Variants in CALU observed in about 807,000 individuals in gnomAD.
CALU encodes IEF SSP 9302.
A neutral mutation model predicts 37.5 loss-of-function variants in CALU; 13 were observed. The ratio of observed to expected loss-of-function variants is 0.35; its 90% confidence interval spans 0.23 to 0.55. The LOEUF is 0.55. Ranked by LOEUF, CALU falls within the 20% of genes least tolerant of loss-of-function variation. The probability of loss-of-function intolerance (pLI) is 0.89; values close to 1 mark genes in which losing one functional copy is unlikely to be tolerated. For synonymous variants in CALU, 114 were observed against 133.8 expected, an observed-to-expected ratio of 0.85 and a Z score of 1.02; for missense variants, 282 against 391.7, an observed-to-expected ratio of 0.72 and a Z score of 2.36.
chr7:128,749,477 CT>C (rs986771965), intron 2 of CALU, among the ~76,000 whole-genome samples: 11 of 152,206 alleles, frequency 7.2e-5, no homozygotes, highest in African/African-American at 2.6e-4. Flanking sequence ...CTGAGAATGT[CT>C]TTTTTGGTCC....
At chr7:128,754,735 A>T in intron 3 of CALU, 1 of 1,533,726 alleles carries the variant, frequency 6.5e-7, no homozygotes. Flanking sequence ...AAGGGGCAAG[A>T]TGTCAGCCTG....
At position 128,769,212 on chromosome 7, in the gene CALU, A is replaced by G; in HGVS notation, c.*45A>G. 1 of 1,015,380 alleles carries G rather than the reference A, an allele frequency of 9.8e-7. No homozygotes were observed. The allele number at this position is 1,015,380 out of a possible 1,614,324, so 62.9% of individuals were successfully genotyped here. The stretch of plus-strand genomic sequence containing the variant: ...TTCCTCAAAAGTAATTTATTTTTAC[A>G]GCTTCTGGTTTCACATGAAATTGTT... On this transcript the variant is annotated 3_prime_UTR_variant, in exon 7 of 7. Transcript: ENST00000249364.
rs374287355 is a variant in CALU, at chr7:128,772,600, T to C, written c.*3433T>C. On this transcript the variant is annotated 3_prime_UTR_variant, in exon 7 of 7. Transcript: ENST00000249364. ...AAACTTCTGTTTTCTGGGAGCTGCA[T>C]GTGTCGGATTCATCTGTCATGGCCT... is the stretch of plus-strand genomic sequence containing the variant. 1.5e-5 allele frequency: 24 copies of C among 1,614,090 alleles called. No homozygotes were observed. Among genetic ancestry groups the C allele is most frequent in the Non-Finnish European group, 2.0e-5 (24 of 1,180,032 alleles).
chr7:128,740,630 A>G (rs1236740701), intron 1 of CALU, among the ~76,000 whole-genome samples: 3 of 119,588 alleles, frequency 2.5e-5, no homozygotes, highest in Non-Finnish European at 3.2e-5. Context: ...GCCAAGACCT[A>G]ATCTGAGGTT....
At chr7:128,745,625 T>C (rs888383226) in intron 1 of CALU, among the ~76,000 whole-genome samples, 2 of 152,092 alleles carry the variant, frequency 1.3e-5, no homozygotes, top group African/African-American at 2.4e-5. Context: ...TGTTTATAGT[T>C]TGAGATAGAA....
At chr7:128,742,130 A>G (rs1800264367) in intron 1 of CALU, among the ~76,000 whole-genome samples, 1 of 152,214 alleles carries the variant, frequency 6.6e-6, no homozygotes, top group Non-Finnish European at 1.5e-5. Context: ...CTTTTATCAA[A>G]TCATGAAGGA....
At chr7:128,768,985 A>C (rs1801451068) in intron 6 of CALU, 78 bp from the exon 7 acceptor site, 1 of 802,860 alleles carries the variant, frequency 1.2e-6, no homozygotes, top group Non-Finnish European at 2.1e-6. Flanking sequence ...GATTAACCCC[A>C]ATTCTTCTAT....
intron 3 of CALU, among the ~76,000 whole-genome samples, chr7:128,755,676 A>G (rs187288320): frequency 6.6e-6 from 1 of 152,292 alleles, no homozygotes; most frequent in East Asian, 1.9e-4. Context: ...ATTTTCTTTT[A>G]CTTGTAACAC....
At chr7:128,739,833 C>G (rs576273578) in intron 1 of CALU, among the ~76,000 whole-genome samples, 4 of 152,244 alleles carry the variant, frequency 2.6e-5, no homozygotes, top group Admixed American at 2.0e-4. Flanking sequence ...TCCTTGCCGC[C>G]TCCACTCACC....
At chr7:128,746,762 CTTTTTTTTTTT>C (rs71162530) in intron 1 of CALU, among the ~76,000 whole-genome samples, 66,924 of 123,992 alleles carry the variant, frequency 0.54, 17,312 homozygotes, top group East Asian at 0.82. Flanking sequence ...TCATGTCATT[CTTTTTTTTTTT>C]TTTTTTTTTT....
Position 128,767,445 on chromosome 7 carries a change from T to A in CALU, c.644-11T>A. ...CAAACCCTTCTTTTGTATGTATGTCTGTGTACCCAGGTGACATGTACAGCC... is the reference window on the plus strand; with the variant it reads ...CAAACCCTTCTTTTGTATGTATGTCAGTGTACCCAGGTGACATGTACAGCC... On this transcript the variant is annotated splice_polypyrimidine_tract_variant and intron_variant, in intron 5 of 6. Transcript: ENST00000249364. The A allele has an allele frequency of 1.2e-6, 2 of 1,601,756 alleles. No individual in the cohort carries two copies. The highest frequency in any genetic ancestry group is 1.7e-6 in the Non-Finnish European group (2 of 1,168,636).
intron 5 of CALU, among the ~76,000 whole-genome samples, chr7:128,763,379 AT>A (rs1306386332): frequency 3.9e-5 from 6 of 151,996 alleles, no homozygotes; most frequent in African/African-American, 1.4e-4. Flanking sequence ...AAATATAAAA[AT>A]TAGCCAGGTG....
At position 128,767,505 on chromosome 7, in the gene CALU, G is replaced by T; in HGVS notation, c.693G>T (p.Lys231Asn). The T allele has an allele frequency of 1.2e-6, 2 of 1,614,178 alleles. No homozygotes were observed. The highest frequency in any genetic ancestry group is 1.7e-6 in the Non-Finnish European group (2 of 1,180,006). Residue 231 changes from lysine (K) to asparagine (N), a missense_variant, in exon 6 of 7, where the codon AAG (lysine) becomes AAT (asparagine). By Grantham distance (94) the Lys-to-Asn change is moderately conservative. Coordinates refer to ENST00000249364, the MANE Select transcript of CALU (RefSeq NM_001219.5). ...ATACTGATGAGCCAGAATGGGTAAA[G>T]ACAGAGCGAGAGCAGTTTGTTGAGT... is the stretch of plus-strand genomic sequence containing the variant. ...DGNTDEPEWV[K>N]TEREQFVEFR... is the part of the protein sequence containing the mutation.
At chr7:128,751,584 A>G (rs1800677197) in intron 2 of CALU, among the ~76,000 whole-genome samples, 1 of 150,200 alleles carries the variant, frequency 6.7e-6, no homozygotes, top group Non-Finnish European at 1.5e-5. Flanking sequence ...AAAATCAGCT[A>G]GGCATGGTGG....
chr7:128,758,479 A>G (rs770331534), intron 3 of CALU, among the ~76,000 whole-genome samples: 2 of 152,250 alleles, frequency 1.3e-5, no homozygotes, highest in East Asian at 1.9e-4. Context: ...GCTCCATTTT[A>G]CAGATAAAAG....
chr7:128,763,438 G>C (rs2128882361), intron 5 of CALU, among the ~76,000 whole-genome samples: 1 of 152,224 alleles, frequency 6.6e-6, no homozygotes, highest in Non-Finnish European at 1.5e-5. Flanking sequence ...GGCTGAGGCA[G>C]GAGAATCGCT....
intron 1 of CALU, among the ~76,000 whole-genome samples, chr7:128,740,792 A>G (rs1263263639): frequency 6.6e-6 from 1 of 152,202 alleles, no homozygotes; most frequent in African/African-American, 2.4e-5. Flanking sequence ...TCTCAATGTA[A>G]TCATTGTTTG....
chr7:128,758,583 T>A (rs1164876103), intron 3 of CALU, among the ~76,000 whole-genome samples: 1 of 152,194 alleles, frequency 6.6e-6, no homozygotes, highest in African/African-American at 2.4e-5. Context: ...CAGATGTAAC[T>A]AGAAAATTCA....
chr7:128,761,893 C>T (rs1468042857), intron 5 of CALU, among the ~76,000 whole-genome samples: 3 of 152,152 alleles, frequency 2.0e-5, no homozygotes, highest in South Asian at 4.1e-4. Context: ...TAGATGTTGT[C>T]TTATCATACC....
Sources: allele counts gnomAD v4.1 joint callset (sites outside exome capture counted in the v4.1 genomes callset), GRCh38; gene constraint gnomAD v4.1.1; transcripts MANE v1.5; gene names NCBI Gene and HGNC (gene_info 2026-07-23, HGNC 2026-07-21).